Variants in SPNS3 observed in about 807,000 individuals in gnomAD.
SPNS3 encodes SPNS lysolipid transporter 3, sphingosine-1-phosphate (putative).
SPNS3 carries 51 observed loss-of-function variants against 54.4 expected under a neutral mutation model. That is an observed-to-expected ratio of 0.94 (90% CI 0.75 to 1.18). The LOEUF is 1.18. Ranked by LOEUF, SPNS3 falls within the 50% of genes most tolerant of loss-of-function variation. The pLI is 0.00. For synonymous variants in SPNS3, 309 were observed against 294.7 expected (o/e 1.05, Z -0.50); for missense variants, 669 against 677.4 (o/e 0.99, Z 0.14).
At chr17:4,460,700 C>G (rs1031938983) in intron 8 of SPNS3, among the ~76,000 whole-genome samples, 1 of 151,798 alleles carries the variant, frequency 6.6e-6, no homozygotes, top group East Asian at 1.9e-4. Context: ...CCTCAACCTC[C>G]GAAAGTGCTG....
chr17:4,484,256 G>C (rs895948804), intron 9 of SPNS3, among the ~76,000 whole-genome samples: 3 of 152,078 alleles, frequency 2.0e-5, no homozygotes, highest in Non-Finnish European at 4.4e-5. Flanking sequence ...CCCTCTCATG[G>C]GTTGTTCAAG....
chr17:4,462,806 A>AATCT (rs1425236659), intron 8 of SPNS3, among the ~76,000 whole-genome samples: 3 of 44,798 alleles, frequency 6.7e-5, no homozygotes, highest in Non-Finnish European at 1.2e-4. Flanking sequence ...TCCATCCACC[A>AATCT]ATCTATCCAT....
chr17:4,468,855 C>G (rs142823309), intron 8 of SPNS3, among the ~76,000 whole-genome samples: 2 of 150,042 alleles, frequency 1.3e-5, no homozygotes, highest in Non-Finnish European at 3.0e-5. Context: ...ATGGCATGGT[C>G]TCAGCTCACT....
At position 4,446,191 on chromosome 17, in the gene SPNS3, C is replaced by A; in HGVS notation, c.546C>A (p.Pro182=). ...RVLAVFYIFI[P]VGSGLGYVLG... ...TGGCTGTCTTCTACATCTTTATCCC[C>A]GTTGGAAGGTTGGTATCACCCGTGG... Residue 182 remains proline (P), a synonymous_variant, in exon 4 of 12, where the codon CCC becomes CCA. Coordinates refer to ENST00000355530, the MANE Select transcript of SPNS3 (RefSeq NM_182538.5). The A allele has an allele frequency of 6.2e-7, 1 of 1,609,432 alleles. No individual in the cohort carries two copies. The highest frequency in any genetic ancestry group is 1.1e-5 in the South Asian group (1 of 90,724).
Position 4,468,303 on chromosome 17 carries a change from A to T in SPNS3, c.1114-10269A>T, listed in dbSNP as rs538022022. 2.4e-3 allele frequency among the ~76,000 whole-genome samples: 368 copies of T among 152,050 alleles called. 2 individuals are homozygous for T. The highest frequency in any genetic ancestry group is 8.2e-3 in the African/African-American group (338 of 41,396). On this transcript the variant is annotated intron_variant, in intron 8 of 11. Coordinates refer to ENST00000355530, the MANE Select transcript of SPNS3 (RefSeq NM_182538.5). ...TAAAAAAACAAACAAAAAATAAATT[A>T]AAAAAAAGAAAGAGGACAAAGGCAG...
At chr17:4,463,044 G>A in intron 8 of SPNS3, among the ~76,000 whole-genome samples, 1 of 152,024 alleles carries the variant, frequency 6.6e-6, no homozygotes, top group Non-Finnish European at 1.5e-5. Context: ...GGGTGGGCAT[G>A]TGTGCTGGTG....
In SPNS3 at chr17:4,450,155, G is replaced by A. The variant is rs147476370; in HGVS notation, c.923+768G>A. On this transcript the variant is annotated intron_variant, in intron 7 of 11. Coordinates refer to ENST00000355530, the MANE Select transcript of SPNS3 (RefSeq NM_182538.5). ...GTGGGTCCTGGGGGCTCCTGGGGAT[G>A]CTATCTTCTTCCCTGGAGCTCCATC... 8.1e-3 allele frequency among the ~76,000 whole-genome samples: 1,234 copies of A among 151,832 alleles called. 19 individuals are homozygous for A. Among genetic ancestry groups the A allele is most frequent in the African/African-American group, 0.028 (1,159 of 41,374 alleles).
At chr17:4,447,150 C>T (rs555909779) in intron 5 of SPNS3, among the ~76,000 whole-genome samples, 188 bp downstream of exon 5, 6 of 152,204 alleles carry the variant, frequency 3.9e-5, no homozygotes, top group South Asian at 2.1e-4. Context: ...AAGTGGTGGC[C>T]GTGGGCTCAA....
intron 7 of SPNS3, 94 bp downstream of exon 7, chr17:4,449,481 G>T: frequency 1.4e-6 from 2 of 1,391,660 alleles, no homozygotes; most frequent in Non-Finnish European, 1.9e-6. Flanking sequence ...TCAGTTTCTT[G>T]GGGTGGGGCA....
rs149895416 is a variant in SPNS3, at chr17:4,448,248, G to A, written c.715G>A (p.Ala239Thr). The A allele has an allele frequency of 1.1e-4, 183 of 1,599,664 alleles. No homozygotes were observed. The Middle Eastern group carries it at 2.5e-3, about 22-fold the overall frequency. The stretch of plus-strand genomic sequence containing the variant: ...AGCTGCCGAGACACAGGGGGAGGGG[G>A]CCGTGGGAGGCTTCAGGAGCAGCTG... ...RGAAETQGEGAVGGFRSSWCE... is the reference protein window; with the variant it reads ...RGAAETQGEGTVGGFRSSWCE... Residue 239 changes from alanine (A) to threonine (T), a missense_variant, in exon 6 of 12, where the codon GCC (alanine) becomes ACC (threonine). Coordinates refer to ENST00000355530, the MANE Select transcript of SPNS3 (RefSeq NM_182538.5).
intron 8 of SPNS3, among the ~76,000 whole-genome samples, chr17:4,473,310 T>C (rs1428442630): frequency 1.3e-5 from 2 of 151,848 alleles, no homozygotes; most frequent in African/African-American, 2.4e-5. Flanking sequence ...CAAGGAGAGA[T>C]GTGGCCACCA....
intron 1 of SPNS3, among the ~76,000 whole-genome samples, chr17:4,434,541 G>A (rs1434409786): frequency 3.3e-5 from 5 of 152,016 alleles, no homozygotes; most frequent in Admixed American, 3.3e-4. Context: ...CTGTCGCCCA[G>A]GCTGGAGTGT....
At chr17:4,463,697 C>A (rs1024781052) in intron 8 of SPNS3, among the ~76,000 whole-genome samples, 5 of 150,294 alleles carry the variant, frequency 3.3e-5, no homozygotes, top group Non-Finnish European at 5.9e-5. Context: ...CGAAATCGTG[C>A]CACTGCACTC....
At chr17:4,472,981 G>A (rs1446543210) in intron 8 of SPNS3, among the ~76,000 whole-genome samples, 1 of 150,916 alleles carries the variant, frequency 6.6e-6, no homozygotes, top group Non-Finnish European at 1.5e-5. Context: ...TAGAGATAGA[G>A]GCTCACTATG....
chr17:4,438,050 G>A (rs772671154), intron 1 of SPNS3, among the ~76,000 whole-genome samples: 2 of 152,238 alleles, frequency 1.3e-5, no homozygotes, highest in African/African-American at 4.8e-5. Flanking sequence ...GCCTCCCAAA[G>A]TGCTGGGATT....
intron 7 of SPNS3, among the ~76,000 whole-genome samples, chr17:4,451,392 C>T (rs1971161192): frequency 6.6e-6 from 1 of 151,548 alleles, no homozygotes; most frequent in South Asian, 2.1e-4. Context: ...GCTGGGACTA[C>T]AGGCGCACAC....
intron 5 of SPNS3, among the ~76,000 whole-genome samples, chr17:4,447,261 A>T (rs1407616778): frequency 1.3e-5 from 2 of 152,196 alleles, no homozygotes; most frequent in Non-Finnish European, 2.9e-5. Flanking sequence ...ACTAAATGCT[A>T]CCTAAGGCAT....
At chr17:4,454,305 C>G (rs1440244620) in intron 8 of SPNS3, among the ~76,000 whole-genome samples, 1 of 152,258 alleles carries the variant, frequency 6.6e-6, no homozygotes, top group Non-Finnish European at 1.5e-5. Flanking sequence ...GAAAGGGCTA[C>G]TGCTTCTGGG....
At chr17:4,476,164 C>T (rs1214624326) in intron 8 of SPNS3, among the ~76,000 whole-genome samples, 11 of 152,190 alleles carry the variant, frequency 7.2e-5, no homozygotes, top group Non-Finnish European at 1.6e-4. Flanking sequence ...ACTGTAATTA[C>T]AGGATTAGAA....
Sources: allele counts gnomAD v4.1 joint callset (sites outside exome capture counted in the v4.1 genomes callset), GRCh38; gene constraint gnomAD v4.1.1; transcripts MANE v1.5; gene names NCBI Gene and HGNC (gene_info 2026-07-23, HGNC 2026-07-21).